PRKD1: variants seen among roughly 807,000 people sequenced by gnomAD.
PRKD1 encodes the protein serine/threonine-protein kinase D1.
Under a neutral mutation model 95.9 loss-of-function variants are expected in PRKD1, and 63 were observed. The observed-to-expected ratio is 0.66, with a 90% confidence interval of 0.54 to 0.81. The LOEUF is 0.81. Ranked by LOEUF, PRKD1 falls within the 30% of genes least tolerant of loss-of-function variation. The pLI is 0.00. For missense variants in PRKD1, 1,048 were observed against 1,165.3 expected, an observed-to-expected ratio of 0.90 and a Z score of 1.47; for synonymous variants, 425 against 423.1, an observed-to-expected ratio of 1.00 and a Z score of -0.05.
At chr14:29,920,027 A>G (rs111560344) in intron 1 of PRKD1, among the ~76,000 whole-genome samples, 6,436 of 131,612 alleles carry the variant, frequency 0.049, 288 homozygotes, top group African/African-American at 0.14. Flanking sequence ...GAAGGAAGGA[A>G]GGAAGGAAGG....
intron 1 of PRKD1, among the ~76,000 whole-genome samples, chr14:29,770,962 A>G (rs1888480453): frequency 6.6e-6 from 1 of 151,298 alleles, no homozygotes; most frequent in Non-Finnish European, 1.5e-5. Flanking sequence ...GGAAAGAAAG[A>G]AAGAAAGAGA....
chr14:29,837,760 C>G (rs902775822), intron 1 of PRKD1, among the ~76,000 whole-genome samples: 6 of 152,166 alleles, frequency 3.9e-5, no homozygotes, highest in African/African-American at 1.4e-4. Context: ...CCTCAACCAT[C>G]AGTAAGAGTC....
chr14:29,586,536 T>C (rs1892935442), intron 16 of PRKD1, among the ~76,000 whole-genome samples: 2 of 152,180 alleles, frequency 1.3e-5, no homozygotes, highest in Non-Finnish European at 2.9e-5. Flanking sequence ...GTAAACTCAG[T>C]ATGATCGTAT....
intron 1 of PRKD1, among the ~76,000 whole-genome samples, chr14:29,791,645 T>C (rs1352567431): frequency 6.6e-6 from 1 of 152,182 alleles, no homozygotes. Flanking sequence ...GTAGCACATA[T>C]CAGTATTTCA....
chr14:29,701,829 T>C (rs1884857979), intron 2 of PRKD1, among the ~76,000 whole-genome samples: 2 of 152,208 alleles, frequency 1.3e-5, no homozygotes, highest in Admixed American at 6.5e-5. Flanking sequence ...GATAATTTAT[T>C]TGCTACCTAG....
chr14:29,581,163 TC>T (rs981059541), intron 16 of PRKD1, among the ~76,000 whole-genome samples: 1 of 152,144 alleles, frequency 6.6e-6, no homozygotes, highest in Admixed American at 6.6e-5. Flanking sequence ...AGTGATTCAT[TC>T]CCCTTAATCT....
At chr14:29,752,204 T>A (rs1056696757) in intron 1 of PRKD1, among the ~76,000 whole-genome samples, 2 of 152,222 alleles carry the variant, frequency 1.3e-5, no homozygotes, top group Non-Finnish European at 1.5e-5. Flanking sequence ...ATTTTATTAA[T>A]ATTTGTAAAT....
At chr14:29,727,557 G>A (rs1394867145) in intron 1 of PRKD1, among the ~76,000 whole-genome samples, 3 of 150,894 alleles carry the variant, frequency 2.0e-5, no homozygotes, top group Admixed American at 6.6e-5. Context: ...AATCCATCTT[G>A]AATTGATTTT....
chr14:29,799,582 T>C (rs982967451), intron 1 of PRKD1, among the ~76,000 whole-genome samples: 1 of 152,242 alleles, frequency 6.6e-6, no homozygotes, highest in African/African-American at 2.4e-5. Context: ...AGCCAAACAC[T>C]GTCCTTCGGC....
intron 1 of PRKD1, among the ~76,000 whole-genome samples, chr14:29,922,871 C>CA (rs1465323633): frequency 6.6e-6 from 1 of 151,744 alleles, no homozygotes; most frequent in African/African-American, 2.4e-5. Flanking sequence ...GGCCTTATCT[C>CA]AAAAAATAAA....
chr14:29,605,076 C>A (rs1440398931), intron 13 of PRKD1, among the ~76,000 whole-genome samples: 1 of 152,194 alleles, frequency 6.6e-6, no homozygotes, highest in Non-Finnish European at 1.5e-5. Context: ...ATCTCTCACA[C>A]TGACCCCTTA....
rs45589032 is a variant in PRKD1, at chr14:29,721,100, G to T, written c.403+4436C>A. On this transcript the variant is annotated intron_variant, in intron 2 of 17. Transcript: ENST00000331968. ...TCACTTTTACTTCTAAAATATTTTTGACCTCTCTGTCTCATTTTCAGCTCT... is the reference window on the plus strand; with the variant it reads ...TCACTTTTACTTCTAAAATATTTTTTACCTCTCTGTCTCATTTTCAGCTCT... Among the ~76,000 whole-genome samples the T allele has an allele frequency of 3.8e-3, 575 of 152,058 alleles. 2 individuals carry two copies. Among genetic ancestry groups the T allele is most frequent in the African/African-American group, 0.014 (564 of 41,474 alleles).
intron 1 of PRKD1, among the ~76,000 whole-genome samples, chr14:29,882,424 A>G (rs937493519): frequency 6.6e-6 from 1 of 152,210 alleles, no homozygotes; most frequent in Non-Finnish European, 1.5e-5. Flanking sequence ...CTTTAGAAAC[A>G]ATTATGGCTA....
intron 1 of PRKD1, among the ~76,000 whole-genome samples, chr14:29,920,338 C>A (rs1895058019): frequency 6.6e-6 from 1 of 152,094 alleles, no homozygotes; most frequent in African/African-American, 2.4e-5. Context: ...TCTATTGCCA[C>A]ATTTGGGTTT....
At chr14:29,625,381 G>A (rs1214381068) in intron 12 of PRKD1, among the ~76,000 whole-genome samples, 2 of 152,084 alleles carry the variant, frequency 1.3e-5, no homozygotes, top group East Asian at 1.9e-4. Context: ...TAATCTTAAC[G>A]TTTCAGTCTT....
intron 16 of PRKD1, chr14:29,594,086 C>T (rs1189721362): frequency 2.2e-6 from 1 of 451,432 alleles, no homozygotes; most frequent in Non-Finnish European, 4.4e-6. Flanking sequence ...AATCACTTAC[C>T]AGAGGATTGC....
At chr14:29,884,572 A>T (rs1480369010) in intron 1 of PRKD1, among the ~76,000 whole-genome samples, 1 of 152,250 alleles carries the variant, frequency 6.6e-6, no homozygotes, top group Non-Finnish European at 1.5e-5. Flanking sequence ...AAAACTATTC[A>T]GTCATTCAAC....
intron 1 of PRKD1, among the ~76,000 whole-genome samples, chr14:29,759,245 CA>C (rs45459897): frequency 7.3e-5 from 10 of 137,052 alleles, no homozygotes; most frequent in African/African-American, 8.1e-5. Context: ...TATTAGGACG[CA>C]AAAAAAAAAG....
chr14:29,822,823 A>C (rs1302817103), intron 1 of PRKD1, among the ~76,000 whole-genome samples: 1 of 152,206 alleles, frequency 6.6e-6, no homozygotes, highest in Non-Finnish European at 1.5e-5. Context: ...TACAAAGAAA[A>C]TACTCCCACA....
Sources: gnomAD v4.1 joint callset for allele counts (sites outside exome capture counted in the v4.1 genomes callset) on GRCh38, gnomAD v4.1.1 for gene constraint, MANE v1.5 for transcripts, NCBI Gene and HGNC (gene_info 2026-07-23, HGNC 2026-07-21) for gene names.